ALPL: variants seen among roughly 807,000 people sequenced by gnomAD.
ALPL encodes alkaline phosphatase, tissue-nonspecific isozyme.
Under a neutral mutation model 51.3 loss-of-function variants are expected in ALPL, and 42 were observed. That is an observed-to-expected ratio of 0.82 (90% CI 0.64 to 1.06). The LOEUF (loss-of-function observed/expected upper bound fraction) is 1.06. Among genes scored for constraint, ALPL ranks in the 50% least tolerant of loss-of-function variants. The pLI, the probability that ALPL is intolerant of heterozygous loss-of-function variation, is 0.00. For synonymous variants in ALPL, 279 were observed against 296.4 expected, an observed-to-expected ratio of 0.94 and a Z score of 0.60; for missense variants, 589 against 709.4, an observed-to-expected ratio of 0.83 and a Z score of 1.93.
At chr1:21,537,180 G>A (rs1364554107) in intron 1 of ALPL, among the ~76,000 whole-genome samples, 1 of 152,158 alleles carries the variant, frequency 6.6e-6, no homozygotes, top group African/African-American at 2.4e-5. Flanking sequence ...AAAGGCGTGA[G>A]CCACCGTGCC....
At chr1:21,545,211 A>G (rs938907126) in intron 1 of ALPL, among the ~76,000 whole-genome samples, 3 of 152,230 alleles carry the variant, frequency 2.0e-5, no homozygotes, top group Admixed American at 6.5e-5. Context: ...ATTGTAAACT[A>G]TAAGAAATAG....
chr1:21,563,073 G>A (rs1570273360), intron 4 of ALPL, 37 bp from the exon 5 acceptor site: 1 of 1,612,132 alleles, frequency 6.2e-7, no homozygotes, highest in Non-Finnish European at 8.5e-7. Flanking sequence ...TGGGGCGAAG[G>A]CCTGGCCATC....
chr1:21,564,032 G>A lies in ALPL; in HGVS notation c.473-9G>A, dbSNP rs1170587063. The A allele has an allele frequency of 1.2e-6, 2 of 1,613,436 alleles. No homozygotes were observed. On this transcript the variant is annotated splice_polypyrimidine_tract_variant and intron_variant, in intron 5 of 11. Transcript: ENST00000374840. The surrounding 1 kb of genome is among the most constrained non-coding windows in gnomAD (Gnocchi z 5.8). ...GGATAAAGCCAAACCCGCCCCTCCT[G>A]CACCCCAGGGAAATCTGTGGGCATT...
intron 1 of ALPL, among the ~76,000 whole-genome samples, chr1:21,523,726 A>G (rs1419972271): frequency 1.3e-5 from 2 of 152,092 alleles, no homozygotes; most frequent in Non-Finnish European, 2.9e-5. Context: ...ACCACCCTCC[A>G]ACATGGGGAG....
chr1:21,519,604 C>T (rs1276133811), intron 1 of ALPL, among the ~76,000 whole-genome samples: 1 of 152,222 alleles, frequency 6.6e-6, no homozygotes, highest in Non-Finnish European at 1.5e-5. Context: ...CAAGAACAGC[C>T]TGGCCAACAT....
chr1:21,519,930 C>T (rs1019600217), intron 1 of ALPL, among the ~76,000 whole-genome samples: 9 of 152,088 alleles, frequency 5.9e-5, no homozygotes, highest in Admixed American at 2.0e-4. Flanking sequence ...GAACAAATTG[C>T]CTAGGGGAAC....
At chr1:21,536,237 G>T (rs1437982659) in intron 1 of ALPL, among the ~76,000 whole-genome samples, 2 of 152,218 alleles carry the variant, frequency 1.3e-5, no homozygotes, top group Non-Finnish European at 2.9e-5. Context: ...AAAGTGACTT[G>T]TAGGAAGTTG....
At chr1:21,510,328 C>T (rs1457993337) in intron 1 of ALPL, among the ~76,000 whole-genome samples, 2 of 152,132 alleles carry the variant, frequency 1.3e-5, no homozygotes, top group African/African-American at 4.8e-5. Flanking sequence ...ATAATGGGGT[C>T]GAAGGCGGGG....
At chr1:21,567,986 C>T in intron 6 of ALPL, 118 bp from the exon 7 acceptor site, 1 of 1,406,468 alleles carries the variant, frequency 7.1e-7, no homozygotes, top group Non-Finnish European at 1.0e-6. Context: ...GCTCACCAGG[C>T]TGGGAAAGTG....
intron 1 of ALPL, among the ~76,000 whole-genome samples, chr1:21,538,046 C>T (rs1364576097): frequency 6.6e-6 from 1 of 152,136 alleles, no homozygotes; most frequent in African/African-American, 2.4e-5. Context: ...AGAGCAGTGC[C>T]CGGCACACTC....
chr1:21,552,105 T>TCCCCCCCCCCCCCCCCCCC (rs1558542001), intron 1 of ALPL, among the ~76,000 whole-genome samples: 2 of 22,842 alleles, frequency 8.8e-5, no homozygotes, highest in African/African-American at 2.9e-4. Context: ...TCCCTTCCCT[T>TCCCCCCCCCCCCCCCCCCC]TCCTCCCCTT....
intron 8 of ALPL, among the ~76,000 whole-genome samples, chr1:21,572,662 C>T (rs10917019): frequency 0.051 from 7,820 of 152,082 alleles, 549 homozygotes; most frequent in African/African-American, 0.16. Flanking sequence ...AGCTATTGTT[C>T]GGCTGTGTAC....
intron 1 of ALPL, among the ~76,000 whole-genome samples, chr1:21,516,523 T>A: frequency 6.6e-6 from 1 of 152,132 alleles, no homozygotes; most frequent in Non-Finnish European, 1.5e-5. Context: ...GGTGCTATTA[T>A]CCCCACATTA....
chr1:21,571,905 T>G (rs1238085264), intron 8 of ALPL, among the ~76,000 whole-genome samples: 1 of 149,550 alleles, frequency 6.7e-6, no homozygotes, highest in African/African-American at 2.5e-5. Flanking sequence ...GGTAGGAGGA[T>G]CCACCTGAGC....
At chr1:21,526,022 G>C (rs1310860706) in intron 1 of ALPL, among the ~76,000 whole-genome samples, 1 of 152,112 alleles carries the variant, frequency 6.6e-6, no homozygotes, top group Non-Finnish European at 1.5e-5. Flanking sequence ...GTACAGAAAT[G>C]GTCTTGTAAG....
intron 1 of ALPL, among the ~76,000 whole-genome samples, chr1:21,524,817 G>A (rs1020330939): frequency 1.3e-5 from 2 of 152,214 alleles, no homozygotes; most frequent in Admixed American, 1.3e-4. Flanking sequence ...GAAGTGCGGA[G>A]TTTATCTATC....
chr1:21,531,390 T>G (rs943848245), intron 1 of ALPL, among the ~76,000 whole-genome samples: 3 of 152,248 alleles, frequency 2.0e-5, no homozygotes, highest in Non-Finnish European at 4.4e-5. Flanking sequence ...TGCTTTGACT[T>G]TATCTCAGTA....
chr1:21,544,035 C>T (rs1479897484), intron 1 of ALPL, among the ~76,000 whole-genome samples: 7 of 152,176 alleles, frequency 4.6e-5, no homozygotes, highest in Admixed American at 3.9e-4. Flanking sequence ...CTGTGCAGGG[C>T]CTGGCCCAGT....
In ALPL at chr1:21,509,735, C is replaced by T. The variant is rs544335577; in HGVS notation, c.-105+218C>T. 5.9e-5 allele frequency among the ~76,000 whole-genome samples: 9 copies of T among 152,270 alleles called. No individual in the cohort carries two copies. The South Asian group carries it at 1.7e-3, about 28-fold the overall frequency. ...CCAAGCTCCCGGCGCGCGCTCTGGG[C>T]GGGACAGGAGATTGGACGTGGCGCC... On this transcript the variant is annotated intron_variant, in intron 1 of 11. Transcript: ENST00000374840. This position sits in a 1 kb window ranked among gnomAD's most constrained non-coding sequence, Gnocchi z 6.0.
Sources: allele counts gnomAD v4.1 joint callset (sites outside exome capture counted in the v4.1 genomes callset), GRCh38; gene constraint gnomAD v4.1.1; non-coding constraint Gnocchi (gnomAD v3.1); transcripts MANE v1.5; gene names NCBI Gene and HGNC (gene_info 2026-07-23, HGNC 2026-07-21).